Variants in MOSPD2 observed in about 807,000 individuals in gnomAD.
MOSPD2 encodes motile sperm domain containing 2, also known as motile sperm domain-containing protein 2.
Under a neutral mutation model 41.7 loss-of-function variants are expected in MOSPD2, and 5 were observed. That is an observed-to-expected ratio of 0.12 (90% CI 0.06 to 0.25). The LOEUF is 0.25. Ranked by LOEUF, MOSPD2 falls within the 10% of genes least tolerant of loss-of-function variation. The pLI is 1.00. For missense variants in MOSPD2, 282 were observed against 375.2 expected (o/e 0.75, Z 2.05); for synonymous variants, 115 against 126.9 (o/e 0.91, Z 0.63).
At chrX:14,898,756 T>G (rs2092567249) in intron 5 of MOSPD2, among the ~76,000 whole-genome samples, 1 of 111,984 alleles carries the variant, frequency 8.9e-6, no homozygotes, top group Non-Finnish European at 1.9e-5. Flanking sequence ...AACTGTTTTA[T>G]TTTTTCAAGC....
rs746584261 is a variant in MOSPD2, at chrX:14,921,432, C to G, written c.*1623C>G. 1.4e-5 allele frequency: 13 copies of G among 932,893 alleles called. No homozygotes were observed. In the African/African-American group the frequency reaches 2.3e-4, roughly 16 times the overall value. The allele number at this position is 932,893 out of a possible 1,213,427, so 76.9% of individuals were successfully genotyped here. A position where few individuals can be genotyped will look rare whatever the true frequency, so the allele number is the denominator to read the frequency against. On this transcript the variant is annotated 3_prime_UTR_variant, in exon 15 of 15. Coordinates refer to ENST00000380492, the MANE Select transcript of MOSPD2 (RefSeq NM_152581.4). ...TGCAGTCCACCCTAAGTACTGTGCA[C>G]AGTATCTCCCTGTGTGTGTGCACAG... is the stretch of plus-strand genomic sequence containing the variant.
chrX:14,910,674 T>C (rs1236199876), intron 8 of MOSPD2, among the ~76,000 whole-genome samples: 1 of 111,669 alleles, frequency 9.0e-6, no homozygotes, highest in Non-Finnish European at 1.9e-5. Context: ...AAATTTCCTC[T>C]AAAGAGATTG....
intron 3 of MOSPD2, among the ~76,000 whole-genome samples, chrX:14,894,095 C>T (rs1267322735): frequency 1.8e-5 from 2 of 111,252 alleles, no homozygotes; most frequent in Admixed American, 1.9e-4. Context: ...CAAGTTCTCA[C>T]ATTTTTTGTT....
chrX:14,920,525 T>A lies in MOSPD2; in HGVS notation c.*716T>A, dbSNP rs1370258659. On this transcript the variant is annotated 3_prime_UTR_variant, in exon 15 of 15. Transcript: ENST00000380492. ...GAATTTCTTTGAATTCTGTTAGTAA[T>A]GCCCAAAAGAAAAGTCTCAAGCAGT... The A allele has an allele frequency of 2.7e-6, 2 of 752,194 alleles. No homozygotes were observed. Among genetic ancestry groups the A allele is most frequent in the Non-Finnish European group, 1.6e-6 (1 of 638,663 alleles). 62.0% of individuals were successfully genotyped at this position (752,194 alleles called of 1,213,427 possible).
At chrX:14,888,614 C>G (rs2092547426) in intron 2 of MOSPD2, among the ~76,000 whole-genome samples, 1 of 111,261 alleles carries the variant, frequency 9.0e-6, no homozygotes, top group Non-Finnish European at 1.9e-5. Flanking sequence ...TTATCAGCAG[C>G]TATTATGAAA....
chrX:14,883,836 A>G (rs771618864), intron 2 of MOSPD2, among the ~76,000 whole-genome samples: 6 of 112,240 alleles, frequency 5.3e-5, no homozygotes, highest in African/African-American at 1.9e-4. Flanking sequence ...ATAATCATTG[A>G]CAGTTACCCA....
At position 14,892,872 on chromosome X, in the gene MOSPD2, G is replaced by A; in HGVS notation, c.229G>A (p.Val77Ile). Residue 77 changes from valine (V) to isoleucine (I), a missense_variant, in exon 3 of 15, where the codon GTC becomes ATC. Physicochemically the swap from Val to Ile is conservative, Grantham distance 29. Around this residue, in one of 3 missense-constraint regions of MOSPD2, gnomAD observed 187 missense variants for 256.6 expected, o/e 0.73. Transcript: ENST00000380492. ...TTTTCAGTGGAGGAAAGAAATTTCT[G>A]TCAATGGTAAGCTGTTCAATTTAAC... ...ESFQWRKEIS[V>I]NDLNESSIPR... 1 of 1,200,518 alleles carries A rather than the reference G, an allele frequency of 8.3e-7. No individual in the cohort carries two copies. The highest frequency in any genetic ancestry group is 1.1e-6 in the Non-Finnish European group (1 of 886,252).
rs149109182 is a variant in MOSPD2, at chrX:14,887,637, A to T, written c.80-5086A>T. 6.3e-3 allele frequency among the ~76,000 whole-genome samples: 706 copies of T among 112,161 alleles called. 10 individuals carry two copies. Among genetic ancestry groups the T allele is most frequent in the African/African-American group, 0.022 (684 of 30,908 alleles). ...AACAAATGCAAGAGAAAAAAAGAAA[A>T]GTTAATAATAAAGTTTGCTATTTTA... On this transcript the variant is annotated intron_variant, in intron 2 of 14. Transcript: ENST00000380492.
Position 14,921,138 on chromosome X carries a change from A to G in MOSPD2, c.*1329A>G. On this transcript the variant is annotated 3_prime_UTR_variant, in exon 15 of 15. Coordinates refer to ENST00000380492, the MANE Select transcript of MOSPD2 (RefSeq NM_152581.4). ...TCTATGTTGGTTCACATGTACATCT[A>G]CTTTATATGAAAGAAAAAACAGTTG... The G allele has an allele frequency of 1.2e-6, 1 of 864,840 alleles. No individual in the cohort carries two copies. Among genetic ancestry groups the G allele is most frequent in the Non-Finnish European group, 1.4e-6 (1 of 709,864 alleles). The allele number at this position is 864,840 out of a possible 1,213,427, so 71.3% of individuals were successfully genotyped here.
intron 2 of MOSPD2, among the ~76,000 whole-genome samples, chrX:14,883,123 G>T (rs757471887): frequency 1.8e-5 from 2 of 110,495 alleles, no homozygotes; most frequent in South Asian, 3.9e-4. Flanking sequence ...GAACCCGGGA[G>T]GCGGAGGTTG....
chrX:14,875,875 T>C (rs925241923), intron 2 of MOSPD2, among the ~76,000 whole-genome samples: 2 of 112,158 alleles, frequency 1.8e-5, no homozygotes, highest in African/African-American at 6.5e-5. Context: ...GTAATTATCT[T>C]GTTCATTGGT....
At chrX:14,900,438 A>G (rs2092571066) in intron 5 of MOSPD2, 137 bp from the exon 6 acceptor site, 3 of 306,122 alleles carry the variant, frequency 9.8e-6, no homozygotes, top group Middle Eastern at 1.7e-3. Context: ...TTGAGAATAT[A>G]GATATTTACA....
At chrX:14,901,695 A>T (rs2147494316) in intron 6 of MOSPD2, among the ~76,000 whole-genome samples, 1 of 110,287 alleles carries the variant, frequency 9.1e-6, no homozygotes, top group South Asian at 3.8e-4. Context: ...ATGTACCCTG[A>T]TTCCTTAAGG....
At position 14,920,758 on chromosome X, in the gene MOSPD2, G is replaced by A. The variant is rs1363552071; in HGVS notation, c.*949G>A. The A allele has an allele frequency of 4.0e-6, 3 of 750,796 alleles. No homozygotes were observed. The highest frequency in any genetic ancestry group is 4.7e-6 in the Non-Finnish European group (3 of 638,000). The allele number at this position is 750,796 out of a possible 1,213,427, so 61.9% of individuals were successfully genotyped here. A position where few individuals can be genotyped will look rare whatever the true frequency, so the allele number is the denominator to read the frequency against. On this transcript the variant is annotated 3_prime_UTR_variant, in exon 15 of 15. Coordinates refer to ENST00000380492, the MANE Select transcript of MOSPD2 (RefSeq NM_152581.4). Reference sequence around the variant, plus strand: ...GTATTAGATATAAATTTTTTTGAAAGGTTAGTTGTTTGAGATGCTAAGCAG... The same window carrying A: ...GTATTAGATATAAATTTTTTTGAAAAGTTAGTTGTTTGAGATGCTAAGCAG...
chrX:14,915,852 C>A, intron 12 of MOSPD2, 88 bp downstream of exon 12: 1 of 789,529 alleles, frequency 1.3e-6, no homozygotes, highest in South Asian at 2.3e-5. Context: ...GCAGAGATGT[C>A]AGGCTAGAAT....
chrX:14,892,966 T>C, intron 3 of MOSPD2, 88 bp downstream of exon 3: 1 of 643,942 alleles, frequency 1.6e-6, no homozygotes, highest in Non-Finnish European at 2.3e-6. Flanking sequence ...TTGCACATAT[T>C]CCTAGCAGTC....
In MOSPD2 at chrX:14,920,811, C is replaced by G; in HGVS notation, c.*1002C>G. The G allele has an allele frequency of 4.0e-6, 3 of 753,235 alleles. No individual in the cohort carries two copies. Among genetic ancestry groups the G allele is most frequent in the Non-Finnish European group, 4.7e-6 (3 of 638,726 alleles). The allele number at this position is 753,235 out of a possible 1,213,427, so 62.1% of individuals were successfully genotyped here. A position where few individuals can be genotyped will look rare whatever the true frequency, so the allele number is the denominator to read the frequency against. On this transcript the variant is annotated 3_prime_UTR_variant, in exon 15 of 15. Coordinates refer to ENST00000380492, the MANE Select transcript of MOSPD2 (RefSeq NM_152581.4). ...TAATAAATTTAGATTTTAAAATGTT[C>G]CCTGTAAAAGTCAGCCCATGACAAG...
chrX:14,912,200 T>G, intron 9 of MOSPD2, 49 bp from the exon 10 acceptor site: 1 of 853,617 alleles, frequency 1.2e-6, no homozygotes, highest in Non-Finnish European at 1.6e-6. Flanking sequence ...TAGATGTTAA[T>G]GGTCATGTTA....
intron 2 of MOSPD2, among the ~76,000 whole-genome samples, chrX:14,879,347 A>C (rs1326222003): frequency 9.0e-6 from 1 of 111,547 alleles, no homozygotes; most frequent in African/African-American, 3.3e-5. Context: ...CGTTGCAAGG[A>C]GTTTGAGAGG....
Sources: allele counts gnomAD v4.1 joint callset (sites outside exome capture counted in the v4.1 genomes callset), GRCh38; gene constraint gnomAD v4.1.1; regional missense constraint gnomAD v4.1.1; transcripts MANE v1.5; gene names NCBI Gene and HGNC (gene_info 2026-07-23, HGNC 2026-07-21).